ATP8B1: variants seen among roughly 807,000 people sequenced by gnomAD.
The protein encoded by ATP8B1 is phospholipid-transporting ATPase IC.
Under a neutral mutation model 149.9 loss-of-function variants are expected in ATP8B1, and 80 were observed. The observed-to-expected ratio is 0.53, with a 90% confidence interval of 0.45 to 0.64. The LOEUF is 0.64. Ranked by LOEUF, ATP8B1 falls within the 30% of genes least tolerant of loss-of-function variation. The pLI, the probability that ATP8B1 is intolerant of heterozygous loss-of-function variation, is 0.00. For synonymous variants in ATP8B1, 536 were observed against 562.8 expected, an observed-to-expected ratio of 0.95 and a Z score of 0.67; for missense variants, 1,247 against 1,552.6, an observed-to-expected ratio of 0.80 and a Z score of 3.31.
chr18:57,781,916 T>G (rs1413218081), intron 1 of ATP8B1, among the ~76,000 whole-genome samples: 1 of 152,104 alleles, frequency 6.6e-6, no homozygotes, highest in Admixed American at 6.5e-5. Flanking sequence ...GTCCAGAAGT[T>G]TAAAGCTGCA....
At chr18:57,661,676 TAC>T (rs368698002) in intron 21 of ATP8B1, among the ~76,000 whole-genome samples, 5 of 104,616 alleles carry the variant, frequency 4.8e-5, no homozygotes, top group African/African-American at 1.9e-4. Flanking sequence ...TGTATGTATA[TAC>T]ACACACACAC....
At chr18:57,671,929 AT>A (rs1466957806) in intron 16 of ATP8B1, among the ~76,000 whole-genome samples, 1 of 152,162 alleles carries the variant, frequency 6.6e-6, no homozygotes, top group Non-Finnish European at 1.5e-5. Flanking sequence ...GCTAAGTTTG[AT>A]TTTTTAATAG....
At chr18:57,677,750 A>G (rs1277354098) in intron 15 of ATP8B1, among the ~76,000 whole-genome samples, 3 of 152,218 alleles carry the variant, frequency 2.0e-5, no homozygotes, top group East Asian at 1.9e-4. Flanking sequence ...AGGGCAAACT[A>G]TTTAACCAGA....
chr18:57,771,834 A>G (rs1164494162), intron 1 of ATP8B1, among the ~76,000 whole-genome samples: 5 of 152,200 alleles, frequency 3.3e-5, no homozygotes, highest in Non-Finnish European at 7.3e-5. Flanking sequence ...TCAAAAGGGA[A>G]CACAGCCTAA....
At chr18:57,671,425 T>G in intron 17 of ATP8B1, 43 bp downstream of exon 17, 1 of 1,471,028 alleles carries the variant, frequency 6.8e-7, no homozygotes, top group Non-Finnish European at 9.5e-7. Context: ...CATCAGAGAG[T>G]AAGTTCAGAA....
At chr18:57,649,520 G>A (rs960706275) in intron 27 of ATP8B1, among the ~76,000 whole-genome samples, 4 of 152,026 alleles carry the variant, frequency 2.6e-5, no homozygotes, top group East Asian at 3.9e-4. Context: ...AGGGAGACCC[G>A]AGGGATACTG....
At chr18:57,732,842 C>CGTGAG (rs11281348) in intron 1 of ATP8B1, among the ~76,000 whole-genome samples, 4 of 152,228 alleles carry the variant, frequency 2.6e-5, no homozygotes, top group Non-Finnish European at 4.4e-5. Flanking sequence ...GGATTACAGG[C>CGTGAG]CCGCGCCCGG....
chr18:57,743,686 G>A (rs961182310), intron 1 of ATP8B1, among the ~76,000 whole-genome samples: 4 of 152,192 alleles, frequency 2.6e-5, no homozygotes, highest in African/African-American at 9.7e-5. Flanking sequence ...AGATCTGGGG[G>A]AAAGAGCAGA....
chr18:57,658,973 C>T (rs1018836762), intron 22 of ATP8B1, among the ~76,000 whole-genome samples: 6 of 152,202 alleles, frequency 3.9e-5, no homozygotes, highest in African/African-American at 1.2e-4. Flanking sequence ...TGCTCTATAA[C>T]TTATATATAA....
At chr18:57,703,973 T>G (rs942372316) in intron 4 of ATP8B1, among the ~76,000 whole-genome samples, 4 of 152,170 alleles carry the variant, frequency 2.6e-5, no homozygotes, top group African/African-American at 9.7e-5. Context: ...GATTTTATTT[T>G]ATTTTTTTTT....
At chr18:57,659,263 G>T (rs764556518) in intron 22 of ATP8B1, among the ~76,000 whole-genome samples, 22 of 152,072 alleles carry the variant, frequency 1.4e-4, no homozygotes, top group Non-Finnish European at 2.9e-4. Flanking sequence ...GCCACAGAGG[G>T]AGACCTTGTT....
At chr18:57,728,193 A>C (rs934065220) in intron 2 of ATP8B1, among the ~76,000 whole-genome samples, 22 of 152,226 alleles carry the variant, frequency 1.4e-4, no homozygotes, top group African/African-American at 5.3e-4. Flanking sequence ...CTCATTAAAG[A>C]AACTAGCGCA....
intron 1 of ATP8B1, among the ~76,000 whole-genome samples, chr18:57,750,889 C>A (rs1272380552): frequency 6.6e-6 from 1 of 151,948 alleles, no homozygotes; most frequent in Non-Finnish European, 1.5e-5. Flanking sequence ...GAGGCCAAGG[C>A]GGGTGGATCG....
At chr18:57,759,458 T>A (rs773162300) in intron 1 of ATP8B1, among the ~76,000 whole-genome samples, 3 of 152,084 alleles carry the variant, frequency 2.0e-5, no homozygotes, top group Admixed American at 6.6e-5. Flanking sequence ...AAAAATCACC[T>A]TGTGAACCTT....
Position 57,706,522 on chromosome 18 carries a change from T to C in ATP8B1, c.247A>G (p.Lys83Glu). The change falls in exon 3 of 28, where the codon AAA (lysine) becomes GAA (glutamate). Residue 83 changes from lysine (K) to glutamate (E), a missense_variant. Around this residue, in one of 3 missense-constraint regions of ATP8B1, gnomAD observed 853 missense variants for 1,035.7 expected, o/e 0.82. Transcript: ENST00000648908. The stretch of plus-strand genomic sequence containing the variant: ...TTACTCTCCTTAATACACAAGAATT[T>C]TGTGTTCATAAAGTGAGGTTGTTCG... ...YHEQPHFMNTKFLCIKESKYA... is the reference protein window; with the variant it reads ...YHEQPHFMNTEFLCIKESKYA... The C allele has an allele frequency of 6.2e-7, 1 of 1,614,038 alleles. No individual in the cohort carries two copies. Among genetic ancestry groups the C allele is most frequent in the Non-Finnish European group, 8.5e-7 (1 of 1,179,964 alleles).
intron 1 of ATP8B1, among the ~76,000 whole-genome samples, chr18:57,732,243 ATGTATATATGTATATATG>A (rs1568044232): frequency 6.6e-3 from 67 of 10,184 alleles, no homozygotes; most frequent in South Asian, 0.028. Context: ...GTGTATATAT[ATGTATATATGTATATATG>A]TGTATATATG....
intron 1 of ATP8B1, among the ~76,000 whole-genome samples, chr18:57,746,467 CTTT>C (rs71171082): frequency 0.039 from 3,693 of 93,856 alleles, 84 homozygotes; most frequent in African/African-American, 0.13. Context: ...CTGATGCTTA[CTTT>C]TTTTTTTTTT....
chr18:57,657,691 C>T (rs558062272), intron 22 of ATP8B1, among the ~76,000 whole-genome samples: 48 of 152,334 alleles, frequency 3.2e-4, no homozygotes, highest in Non-Finnish European at 5.6e-4. Flanking sequence ...TTGCTCTTTC[C>T]TGCCAAACCA....
intron 2 of ATP8B1, among the ~76,000 whole-genome samples, chr18:57,720,992 A>C (rs1374506660): frequency 7.5e-6 from 1 of 133,106 alleles, no homozygotes; most frequent in Non-Finnish European, 1.6e-5. Context: ...TATCCAGCCA[A>C]ACTAAGCTTC....
Sources: allele counts gnomAD v4.1 joint callset (sites outside exome capture counted in the v4.1 genomes callset), GRCh38; gene constraint gnomAD v4.1.1; regional missense constraint gnomAD v4.1.1; transcripts MANE v1.5; gene names NCBI Gene and HGNC (gene_info 2026-07-23, HGNC 2026-07-21).